SLC2A14: variants seen among roughly 807,000 people sequenced by gnomAD.
SLC2A14 encodes the protein solute carrier family 2, facilitated glucose transporter member 14.
Under a neutral mutation model 43.0 loss-of-function variants are expected in SLC2A14, and 13 were observed. The observed-to-expected ratio is 0.30, with a 90% CI of 0.20 to 0.48. The LOEUF (loss-of-function observed/expected upper bound fraction) is 0.48. Ranked by LOEUF, SLC2A14 falls within the 20% of genes least tolerant of loss-of-function variation. The pLI is 0.99. For missense variants in SLC2A14, 428 were observed against 620.4 expected (o/e 0.69, Z 3.29); for synonymous variants, 190 against 233.8 (o/e 0.81, Z 1.71).
intron 4 of SLC2A14, chr12:7,831,366 A>G: frequency 1.9e-6 from 1 of 517,452 alleles, no homozygotes; most frequent in Non-Finnish European, 3.4e-6. Context: ...CCCTAACTGG[A>G]CTGCAAAGGC....
chr12:7,832,858 T>A, intron 2 of SLC2A14, 44 bp from the exon 3 acceptor site: 1 of 1,571,186 alleles, frequency 6.4e-7, no homozygotes, highest in Non-Finnish European at 8.8e-7. Flanking sequence ...TCCTTAAAAC[T>A]TGTAATTGAT....
chr12:7,842,010 G>GAA (rs79332504), intron 2 of SLC2A14, among the ~76,000 whole-genome samples: 1 of 123,420 alleles, frequency 8.1e-6, no homozygotes, highest in Non-Finnish European at 1.8e-5. Context: ...TGTCTCAAAA[G>GAA]AAAAAAAAAA....
intron 2 of SLC2A14, among the ~76,000 whole-genome samples, chr12:7,855,571 T>C (rs1867292330): frequency 6.6e-6 from 1 of 152,172 alleles, no homozygotes; most frequent in African/African-American, 2.4e-5. Flanking sequence ...ACCAGTGTGA[T>C]GCCACCCTTA....
chr12:7,830,606 A>G (rs1592184752), intron 4 of SLC2A14, among the ~76,000 whole-genome samples: 1 of 152,134 alleles, frequency 6.6e-6, no homozygotes, highest in Admixed American at 6.6e-5. Flanking sequence ...ACTGCACTCC[A>G]GCCTGGGTGA....
intron 1 of SLC2A14, among the ~76,000 whole-genome samples, chr12:7,882,794 G>A (rs939379707): frequency 2.6e-5 from 4 of 152,036 alleles, no homozygotes; most frequent in African/African-American, 9.7e-5. Flanking sequence ...CTGAGATCTG[G>A]CCACTGTAGT....
At chr12:7,889,042 A>G (rs1207041197) in intron 1 of SLC2A14, among the ~76,000 whole-genome samples, 1 of 152,048 alleles carries the variant, frequency 6.6e-6, no homozygotes, top group Non-Finnish European at 1.5e-5. Flanking sequence ...CAATATGGAC[A>G]AGACAGTGCC....
At chr12:7,820,354 T>A (rs1462975403) in intron 8 of SLC2A14, among the ~76,000 whole-genome samples, 3 of 152,138 alleles carry the variant, frequency 2.0e-5, no homozygotes, top group Non-Finnish European at 4.4e-5. Context: ...AAAGAGGATG[T>A]CGTGGGAATC....
intron 2 of SLC2A14, among the ~76,000 whole-genome samples, chr12:7,865,249 C>T (rs1014572994): frequency 6.6e-6 from 1 of 151,940 alleles, no homozygotes; most frequent in Non-Finnish European, 1.5e-5. Context: ...CAAAAATTAG[C>T]CAGGCAGGCT....
At chr12:7,817,118 T>C (rs907623342) in intron 10 of SLC2A14, among the ~76,000 whole-genome samples, 58 of 151,890 alleles carry the variant, frequency 3.8e-4, no homozygotes, top group African/African-American at 1.3e-3. Context: ...ACTATTATTA[T>C]TATATATATT....
chr12:7,824,593 C>T (rs1426381984), intron 7 of SLC2A14, among the ~76,000 whole-genome samples: 11 of 150,866 alleles, frequency 7.3e-5, no homozygotes, highest in East Asian at 6.0e-4. Context: ...ATTAGCCAGG[C>T]GAAGTGGTGC....
At chr12:7,881,891 C>G (rs1166842587) in intron 1 of SLC2A14, among the ~76,000 whole-genome samples, 1 of 152,134 alleles carries the variant, frequency 6.6e-6, no homozygotes, top group Non-Finnish European at 1.5e-5. Flanking sequence ...TTGACACTCT[C>G]TATCTAGCTA....
At chr12:7,860,073 T>TTGGTATTACCAGAGC (rs1944462336) in intron 2 of SLC2A14, among the ~76,000 whole-genome samples, 1 of 152,182 alleles carries the variant, frequency 6.6e-6, no homozygotes, top group Non-Finnish European at 1.5e-5. Context: ...AGTAACATCC[T>TTGGTATTACCAGAGC]TGGTATTACC....
chr12:7,823,878 A>T (rs1340596853), intron 7 of SLC2A14, among the ~76,000 whole-genome samples: 1 of 152,180 alleles, frequency 6.6e-6, no homozygotes, highest in African/African-American at 2.4e-5. Context: ...GGACCTCTAC[A>T]TTGGGATTTA....
In SLC2A14 at chr12:7,886,382, ATTTATTTT is replaced by A. The variant is rs1945690647; in HGVS notation, c.132+4606_132+4613del. Reference sequence around the variant, plus strand: ...TATTTATTTATTTATTTATTTATTTATTTATTTTGAGACAGAGTTTTTCTTTGTTGCCC... The same window carrying A: ...TATTTATTTATTTATTTATTTATTTAGAGACAGAGTTTTTCTTTGTTGCCC... On this transcript the variant is annotated intron_variant, in intron 1 of 9. Coordinates refer to the SLC2A14 transcript ENST00000539924. Among the ~76,000 whole-genome samples the A allele has an allele frequency of 3.4e-5, 5 of 149,198 alleles. No homozygotes were observed. The South Asian group carries it at 1.1e-3, about 32-fold the overall frequency.
intron 1 of SLC2A14, among the ~76,000 whole-genome samples, chr12:7,882,189 G>C (rs147620625): frequency 6.6e-6 from 1 of 152,020 alleles, no homozygotes. Flanking sequence ...AAAGTCTGTA[G>C]CTTTACTTTT....
At chr12:7,823,981 C>T (rs1284970003) in intron 7 of SLC2A14, among the ~76,000 whole-genome samples, 5 of 152,064 alleles carry the variant, frequency 3.3e-5, no homozygotes, top group East Asian at 1.9e-4. Context: ...ATTGGCCAGG[C>T]GCAGTTGCTC....
intron 2 of SLC2A14, among the ~76,000 whole-genome samples, chr12:7,853,501 G>A (rs1349431482): frequency 1.3e-5 from 2 of 151,542 alleles, no homozygotes; most frequent in Non-Finnish European, 2.9e-5. Flanking sequence ...TTGGGAGGCT[G>A]AGGCAGGAGA....
At chr12:7,833,890 C>T (rs981003268) in intron 2 of SLC2A14, among the ~76,000 whole-genome samples, 1 of 152,054 alleles carries the variant, frequency 6.6e-6, no homozygotes, top group Non-Finnish European at 1.5e-5. Context: ...TTTAGATTTC[C>T]ACCTTGGGGC....
intron 2 of SLC2A14, among the ~76,000 whole-genome samples, chr12:7,852,557 T>C (rs1421073315): frequency 2.0e-5 from 3 of 152,160 alleles, no homozygotes; most frequent in Non-Finnish European, 2.9e-5. Flanking sequence ...AATATAGGTA[T>C]TACTGACATT....
Sources: allele counts gnomAD v4.1 joint callset (sites outside exome capture counted in the v4.1 genomes callset), GRCh38; gene constraint gnomAD v4.1.1; transcripts MANE v1.5; gene names NCBI Gene and HGNC (gene_info 2026-07-23, HGNC 2026-07-21).